CTIF: variants seen among roughly 807,000 people sequenced by gnomAD.
CTIF encodes cap binding complex dependent translation initiation factor.
Under a neutral mutation model 66.0 loss-of-function variants are expected in CTIF, and 21 were observed. That is an observed-to-expected ratio of 0.32 (90% CI 0.23 to 0.46). The LOEUF (loss-of-function observed/expected upper bound fraction) is 0.46, where lower values mean the gene tolerates loss of function less well. Ranked by LOEUF, CTIF falls within the 20% of genes least tolerant of loss-of-function variation. The pLI is 1.00. For synonymous variants in CTIF, 345 were observed against 326.4 expected, an observed-to-expected ratio of 1.06 and a Z score of -0.62; for missense variants, 739 against 812.7, an observed-to-expected ratio of 0.91 and a Z score of 1.10.
chr18:48,632,693 T>C (rs1348948005), intron 2 of CTIF, among the ~76,000 whole-genome samples: 2 of 152,300 alleles, frequency 1.3e-5, no homozygotes, highest in African/African-American at 4.8e-5. Context: ...TTGCCCCTCT[T>C]GGGCACCTCA....
At position 48,577,451 on chromosome 18, in the gene CTIF, C is replaced by T. The variant is rs73956926; in HGVS notation, c.-29+38139C>T. On this transcript the variant is annotated intron_variant, in intron 1 of 11. Transcript: ENST00000256413. The stretch of plus-strand genomic sequence containing the variant: ...ACACTGAAGGATAGTGCCATAGCCC[C>T]TGCGTGGCCCTCATCTTCAGCTCTT... 2.3e-3 allele frequency among the ~76,000 whole-genome samples: 348 copies of T among 152,352 alleles called. 3 individuals are homozygous for T. Among genetic ancestry groups the T allele is most frequent in the African/African-American group, 7.8e-3 (323 of 41,578 alleles).
chr18:48,810,066 A>G (rs79230437), intron 9 of CTIF, among the ~76,000 whole-genome samples: 15,885 of 152,060 alleles, frequency 0.1, 1,011 homozygotes, highest in East Asian at 0.32. Flanking sequence ...TGTGATCTAC[A>G]TATGTAATTT....
rs113273100 is a variant in CTIF at position 48,752,582 on chromosome 18, G to A, written c.585-5337G>A. The stretch of plus-strand genomic sequence containing the variant: ...TCTCTGGACCTTGGTTTTCTCATCC[G>A]TCATGCTGTGACTCATGTAATCCTT... On this transcript the variant is annotated intron_variant, in intron 7 of 11. Transcript: ENST00000256413. Among the ~76,000 whole-genome samples the A allele has an allele frequency of 9.4e-4, 143 of 152,318 alleles. 1 individual carries two copies. Among genetic ancestry groups the A allele is most frequent in the South Asian group, 4.8e-3 (23 of 4,828 alleles).
At chr18:48,726,420 GC>G (rs1330647320) in intron 7 of CTIF, among the ~76,000 whole-genome samples, 1 of 152,164 alleles carries the variant, frequency 6.6e-6, no homozygotes, top group Non-Finnish European at 1.5e-5. Flanking sequence ...GGTTGTCCTA[GC>G]TCAAAGTCAC....
At chr18:48,553,147 C>A (rs994636687) in intron 1 of CTIF, among the ~76,000 whole-genome samples, 17 of 152,178 alleles carry the variant, frequency 1.1e-4, no homozygotes, top group African/African-American at 3.4e-4. Context: ...TACCTCTTTG[C>A]ACAAGGTAGA....
intron 6 of CTIF, among the ~76,000 whole-genome samples, chr18:48,704,734 T>A (rs943745894): frequency 1.3e-5 from 2 of 152,194 alleles, no homozygotes; most frequent in African/African-American, 4.8e-5. Flanking sequence ...CACATTCCAA[T>A]GTGTCCTCAT....
intron 9 of CTIF, among the ~76,000 whole-genome samples, chr18:48,765,721 C>T (rs1371422137): frequency 6.6e-6 from 1 of 152,156 alleles, no homozygotes; most frequent in Non-Finnish European, 1.5e-5. Context: ...TCAAGGAACC[C>T]AGAAGCACCA....
In CTIF at chr18:48,859,627, G is replaced by A. The variant is rs1568275481; in HGVS notation, c.*68G>A. 4 of 1,471,598 alleles carry A rather than the reference G, an allele frequency of 2.7e-6. No individual in the cohort carries two copies. Among genetic ancestry groups the A allele is most frequent in the Non-Finnish European group, 3.8e-6 (4 of 1,052,190 alleles). The allele number at this position is 1,471,598 out of a possible 1,614,324, so 91.2% of individuals were successfully genotyped here. ...CTGGTGCACAGGGCCAGATGGACAG[G>A]CGGGAGGACAGGGGTGGCCCTGGCG... On this transcript the variant is annotated 3_prime_UTR_variant, in exon 12 of 12. Transcript: ENST00000256413.
At chr18:48,724,493 C>T (rs918595143) in intron 7 of CTIF, among the ~76,000 whole-genome samples, 1 of 152,208 alleles carries the variant, frequency 6.6e-6, no homozygotes, top group Admixed American at 6.5e-5. Flanking sequence ...ACCTCAGTCC[C>T]TCTCCCTTGC....
chr18:48,691,961 A>G (rs1298130001), intron 6 of CTIF, among the ~76,000 whole-genome samples: 1 of 152,172 alleles, frequency 6.6e-6, no homozygotes, highest in Non-Finnish European at 1.5e-5. Context: ...GGCTCACGGC[A>G]ACGTCTGTCT....
At chr18:48,850,530 G>A (rs1320369424) in intron 10 of CTIF, among the ~76,000 whole-genome samples, 1 of 152,226 alleles carries the variant, frequency 6.6e-6, no homozygotes, top group African/African-American at 2.4e-5. Flanking sequence ...ACATAGGACA[G>A]GTCATTTAGG....
intron 10 of CTIF, among the ~76,000 whole-genome samples, chr18:48,853,691 C>T (rs949987246): frequency 1.3e-5 from 2 of 152,252 alleles, no homozygotes; most frequent in South Asian, 2.1e-4. Context: ...AGCACTCCTA[C>T]GGCCCTGGAG....
chr18:48,830,435 A>G (rs2068665875), intron 10 of CTIF, among the ~76,000 whole-genome samples: 1 of 152,152 alleles, frequency 6.6e-6, no homozygotes, highest in Non-Finnish European at 1.5e-5. Context: ...AGGTGCTGGG[A>G]TTACAGGCTA....
At chr18:48,627,280 CAG>C in intron 2 of CTIF, among the ~76,000 whole-genome samples, 1 of 152,136 alleles carries the variant, frequency 6.6e-6, no homozygotes, top group Non-Finnish European at 1.5e-5. Context: ...TTTGTAGGCT[CAG>C]GGGGCAAAGT....
chr18:48,723,761 G>A (rs576411792), intron 7 of CTIF, among the ~76,000 whole-genome samples: 48 of 152,284 alleles, frequency 3.2e-4, no homozygotes, highest in African/African-American at 1.1e-3. Context: ...CTCCTGGGTC[G>A]GCATTTACCC....
intron 9 of CTIF, among the ~76,000 whole-genome samples, chr18:48,784,509 T>A (rs1004627379): frequency 6.6e-6 from 1 of 152,128 alleles, no homozygotes; most frequent in South Asian, 2.1e-4. Context: ...CCCTTTGGTC[T>A]CTGGGGCACC....
At chr18:48,725,160 G>A (rs2092375354) in intron 7 of CTIF, among the ~76,000 whole-genome samples, 1 of 152,210 alleles carries the variant, frequency 6.6e-6, no homozygotes, top group Non-Finnish European at 1.5e-5. Context: ...AGATGGCTCG[G>A]CCTGGTCACC....
intron 7 of CTIF, among the ~76,000 whole-genome samples, chr18:48,715,322 GTAACCACTT>G (rs1227787505): frequency 6.6e-6 from 1 of 152,154 alleles, no homozygotes; most frequent in Non-Finnish European, 1.5e-5. Flanking sequence ...TGAACAACTA[GTAACCACTT>G]GTTTGTTTTT....
chr18:48,624,487 C>A (rs1261779640), intron 2 of CTIF, among the ~76,000 whole-genome samples: 1 of 152,092 alleles, frequency 6.6e-6, no homozygotes, highest in Non-Finnish European at 1.5e-5. Flanking sequence ...TCTCATTGAC[C>A]ACTAATCTTT....
Sources: gnomAD v4.1 joint callset for allele counts (sites outside exome capture counted in the v4.1 genomes callset) on GRCh38, gnomAD v4.1.1 for gene constraint, MANE v1.5 for transcripts, NCBI Gene and HGNC (gene_info 2026-07-23, HGNC 2026-07-21) for gene names.